KBTBD3: variants seen among roughly 807,000 people sequenced by gnomAD.
KBTBD3 encodes kelch repeat and BTB domain containing 3.
Under a neutral mutation model 49.6 loss-of-function variants are expected in KBTBD3, and 38 were observed. That is an observed-to-expected ratio of 0.77 (90% CI 0.59 to 1.00). The LOEUF is 1.00. Ranked by LOEUF, KBTBD3 falls within the 50% of genes least tolerant of loss-of-function variation. The pLI is 0.00. For missense variants in KBTBD3, 661 were observed against 712.0 expected (o/e 0.93, Z 0.81); for synonymous variants, 214 against 250.4 (o/e 0.85, Z 1.37).
In KBTBD3 at chr11:106,061,035, A is replaced by T. The variant is rs112041386; in HGVS notation, c.-12-1926T>A. Among the ~76,000 whole-genome samples the T allele has an allele frequency of 3.3e-3, 501 of 152,330 alleles. 2 individuals carry two copies. Among genetic ancestry groups the T allele is most frequent in the African/African-American group, 0.011 (475 of 41,584 alleles). ...TGACACTTCTCAAAAGAAGACAGTTATGTGGCCAACAAATATATGAAAAAA... is the reference window on the plus strand; with the variant it reads ...TGACACTTCTCAAAAGAAGACAGTTTTGTGGCCAACAAATATATGAAAAAA... On this transcript the variant is annotated intron_variant, in intron 2 of 3. Coordinates refer to ENST00000531837, the MANE Select transcript of KBTBD3 (RefSeq NM_198439.3).
chr11:106,069,542 A>T (rs1860878259), intron 2 of KBTBD3, among the ~76,000 whole-genome samples: 1 of 151,970 alleles, frequency 6.6e-6, no homozygotes, highest in African/African-American at 2.4e-5. Context: ...ATACTTACGT[A>T]TAAATCTAAC....
chr11:106,062,907 G>A (rs970737775), intron 2 of KBTBD3, among the ~76,000 whole-genome samples: 1 of 152,196 alleles, frequency 6.6e-6, no homozygotes, highest in East Asian at 1.9e-4. Flanking sequence ...TAATGTCCCA[G>A]AACTAATTCT....
At chr11:106,063,474 A>C (rs1167369381) in intron 2 of KBTBD3, among the ~76,000 whole-genome samples, 1 of 152,228 alleles carries the variant, frequency 6.6e-6, no homozygotes, top group Admixed American at 6.5e-5. Flanking sequence ...ATGCGAAATG[A>C]AAGAAAAAGT....
chr11:106,057,767 G>A, intron 3 of KBTBD3: 1 of 319,056 alleles, frequency 3.1e-6, no homozygotes, highest in East Asian at 4.9e-5. Flanking sequence ...AATATAAGGA[G>A]AGGATGAATT....
At chr11:106,074,979 T>TA (rs1391931468) in intron 2 of KBTBD3, among the ~76,000 whole-genome samples, 2 of 152,148 alleles carry the variant, frequency 1.3e-5, no homozygotes, top group Admixed American at 6.5e-5. Flanking sequence ...TGAGTATATC[T>TA]AAAAAACACC....
chr11:106,075,796 A>G (rs1861016773), intron 2 of KBTBD3, among the ~76,000 whole-genome samples: 1 of 152,216 alleles, frequency 6.6e-6, no homozygotes. Flanking sequence ...AGAGGAAACA[A>G]GGAATGTGAT....
chr11:106,052,864 T>C lies in KBTBD3; in HGVS notation c.1825A>G (p.Asn609Asp). ...TTTTAGAATGTTCAAGCACATAGAT[T>C]AGAAAACCATGGGTCTCTGTATTTA... ...FNKYRDPWFS[N>D]LCA Residue 609 changes from asparagine to aspartate, a missense_variant, in exon 4 of 4, where the codon AAT (asparagine) becomes GAT (aspartate). Asn to Asp is a conservative substitution (Grantham distance 23). Coordinates refer to ENST00000531837, the MANE Select transcript of KBTBD3 (RefSeq NM_198439.3). The C allele has an allele frequency of 6.2e-7, 1 of 1,610,888 alleles. No individual in the cohort carries two copies. The highest frequency in any genetic ancestry group is 8.5e-7 in the Non-Finnish European group (1 of 1,178,464).
chr11:106,066,615 G>A (rs1265441936), intron 2 of KBTBD3, among the ~76,000 whole-genome samples: 1 of 151,678 alleles, frequency 6.6e-6, no homozygotes, highest in East Asian at 1.9e-4. Context: ...AGCAATTTAA[G>A]ATCATTCTTA....
Position 106,052,790 on chromosome 11 carries a change from CTATCATT to C in KBTBD3, c.*53_*59del, listed in dbSNP as rs1860446503. ...CATTAAGATGTATAGATCTTTTTAC[CTATCATT>C]TTGGTTAACAAATTTACTTTAGGTT... On this transcript the variant is annotated 3_prime_UTR_variant, in exon 4 of 4. Transcript: ENST00000531837. The C allele has an allele frequency of 3.8e-6, 5 of 1,301,178 alleles. No homozygotes were observed. Among genetic ancestry groups the C allele is most frequent in the Non-Finnish European group, 5.4e-6 (5 of 934,360 alleles). The allele number at this position is 1,301,178 out of a possible 1,614,324, so 80.6% of individuals were successfully genotyped here.
chr11:106,076,025 G>C (rs1432443358), intron 2 of KBTBD3: 4 of 152,176 alleles, frequency 2.6e-5, no homozygotes, highest in Admixed American at 1.3e-4. Context: ...AACGTACACA[G>C]AAGTGTTTTG....
intron 2 of KBTBD3, among the ~76,000 whole-genome samples, chr11:106,060,306 A>T (rs72977033): frequency 0.037 from 5,687 of 152,132 alleles, 176 homozygotes; most frequent in Non-Finnish European, 0.055. Flanking sequence ...TAACTACAAA[A>T]ATATATAAAT....
At chr11:106,063,554 A>G (rs1362638455) in intron 2 of KBTBD3, among the ~76,000 whole-genome samples, 1 of 152,270 alleles carries the variant, frequency 6.6e-6, no homozygotes, top group Non-Finnish European at 1.5e-5. Flanking sequence ...TGAGGTAAAT[A>G]ACTTCTAATT....
chr11:106,065,896 G>A (rs1322490735), intron 2 of KBTBD3, among the ~76,000 whole-genome samples: 1 of 149,272 alleles, frequency 6.7e-6, no homozygotes, highest in African/African-American at 2.5e-5. Context: ...AGGAGGCAGA[G>A]GTTGCAGTAA....
chr11:106,058,091 C>A, intron 3 of KBTBD3: 1 of 397,356 alleles, frequency 2.5e-6, no homozygotes, highest in Non-Finnish European at 4.4e-6. Flanking sequence ...TTCTCTCCTA[C>A]TAAAAAATCA....
In KBTBD3 at chr11:106,061,546, G is replaced by A. The variant is rs111662111; in HGVS notation, c.-12-2437C>T. On this transcript the variant is annotated intron_variant, in intron 2 of 3. Transcript: ENST00000531837. Reference sequence around the variant, plus strand: ...CATTTGAATTGGTACACTGAGTAAAGCAGATTGTCCTCCCCACTGTAGATG... The same window carrying A: ...CATTTGAATTGGTACACTGAGTAAAACAGATTGTCCTCCCCACTGTAGATG... Among the ~76,000 whole-genome samples, 1,267 of 152,262 alleles carry A rather than the reference G, an allele frequency of 8.3e-3. 21 individuals carry two copies. The highest frequency in any genetic ancestry group is 0.029 in the African/African-American group (1,195 of 41,546).
At chr11:106,057,597 A>C (rs1384023183) in intron 3 of KBTBD3, 1 of 152,962 alleles carries the variant, frequency 6.5e-6, no homozygotes, top group African/African-American at 2.4e-5. Context: ...CAGAAATGGA[A>C]ATCTGCTGTC....
intron 2 of KBTBD3, among the ~76,000 whole-genome samples, chr11:106,070,938 A>G (rs1270442586): frequency 6.6e-6 from 1 of 152,100 alleles, no homozygotes; most frequent in Non-Finnish European, 1.5e-5. Context: ...CACGTGAGAA[A>G]ATTACAAGAA....
intron 2 of KBTBD3, among the ~76,000 whole-genome samples, chr11:106,067,532 A>G (rs1333517676): frequency 2.0e-5 from 3 of 151,054 alleles, no homozygotes; most frequent in African/African-American, 7.3e-5. Context: ...AATTGCTTGA[A>G]CCCGGGAGGC....
intron 3 of KBTBD3, among the ~76,000 whole-genome samples, chr11:106,058,526 C>T (rs1242038760): frequency 6.6e-6 from 1 of 151,864 alleles, no homozygotes; most frequent in East Asian, 2.0e-4. Context: ...TGGGTTCAAG[C>T]GATTCTTGTG....
Sources: allele counts gnomAD v4.1 joint callset (sites outside exome capture counted in the v4.1 genomes callset), GRCh38; gene constraint gnomAD v4.1.1; transcripts MANE v1.5; gene names NCBI Gene and HGNC (gene_info 2026-07-23, HGNC 2026-07-21).